Variants in GREB1L observed in about 807,000 individuals in gnomAD.
GREB1L encodes the protein GREB1 like retinoic acid receptor coactivator, also known as GREB1-like protein.
GREB1L carries 17 observed loss-of-function variants against 200.8 expected under a neutral mutation model. That is an observed-to-expected ratio of 0.08 (90% CI 0.06 to 0.13). The LOEUF is 0.13. GREB1L is among the 10% of genes least tolerant of loss of function. The pLI is 1.00. For synonymous variants in GREB1L, 789 were observed against 893.0 expected, an observed-to-expected ratio of 0.88 and a Z score of 2.08; for missense variants, 1,657 against 2,367.7, an observed-to-expected ratio of 0.70 and a Z score of 6.23.
At position 21,500,274 on chromosome 18, in the gene GREB1L, C is replaced by A. The variant is rs908503710; in HGVS notation, c.3937C>A (p.Pro1313Thr). 5 of 1,415,138 alleles carry A rather than the reference C, an allele frequency of 3.5e-6. No individual in the cohort carries two copies. Among genetic ancestry groups the A allele is most frequent in the Non-Finnish European group, 4.8e-6 (5 of 1,035,038 alleles). 87.7% of individuals were successfully genotyped at this position (1,415,138 alleles called of 1,614,324 possible). ...GGCCTCTGGCACCCGAAACTTCCAC[C>A]CCCGACGGCTCCTGCTGACAGGGCC... ...DPASGTRNFHPRRLLLTGPPQ... is the reference protein window; with the variant it reads ...DPASGTRNFHTRRLLLTGPPQ... Residue 1313 changes from proline to threonine, a missense_variant, in exon 22 of 33, where the codon CCC (proline) becomes ACC (threonine). Pro to Thr is a conservative substitution (Grantham distance 38). Around this residue, in one of 9 missense-constraint regions of GREB1L, gnomAD observed 512 missense variants for 668.3 expected, o/e 0.77. Transcript: ENST00000424526.
chr18:21,286,661 T>C (rs1414810439), intron 1 of GREB1L, among the ~76,000 whole-genome samples: 1 of 152,154 alleles, frequency 6.6e-6, no homozygotes, highest in Admixed American at 6.5e-5. Flanking sequence ...AACAATCCCA[T>C]GTGGTATTAT....
chr18:21,438,372 C>T (rs2033677058), intron 7 of GREB1L, among the ~76,000 whole-genome samples: 1 of 152,004 alleles, frequency 6.6e-6, no homozygotes, highest in South Asian at 2.1e-4. Context: ...CTTTTAGAAA[C>T]TCATACATAA....
At chr18:21,354,900 A>G (rs2039482281) in intron 1 of GREB1L, among the ~76,000 whole-genome samples, 1 of 152,214 alleles carries the variant, frequency 6.6e-6, no homozygotes, top group South Asian at 2.1e-4. Flanking sequence ...TCCTGAGAGA[A>G]ATGTAAAATC....
chr18:21,443,583 C>T (rs1210693329), intron 10 of GREB1L, among the ~76,000 whole-genome samples: 1 of 152,226 alleles, frequency 6.6e-6, no homozygotes, highest in Admixed American at 6.5e-5. Context: ...AATATTTTAT[C>T]ATTGCAGTTT....
intron 1 of GREB1L, among the ~76,000 whole-genome samples, chr18:21,252,321 G>C (rs2037720690): frequency 6.6e-6 from 1 of 152,138 alleles, no homozygotes; most frequent in South Asian, 2.1e-4. Flanking sequence ...ACTTTGGGAG[G>C]CTGAGGTGGA....
At chr18:21,361,505 T>A (rs1287028297) in intron 1 of GREB1L, among the ~76,000 whole-genome samples, 1 of 152,142 alleles carries the variant, frequency 6.6e-6, no homozygotes, top group Admixed American at 6.5e-5. Context: ...TTCCTAGACA[T>A]TACAGCTCTG....
At chr18:21,329,310 G>GC (rs1207291530) in intron 1 of GREB1L, among the ~76,000 whole-genome samples, 4 of 136,560 alleles carry the variant, frequency 2.9e-5, no homozygotes, top group African/African-American at 1.2e-4. Context: ...GGGCGACAGA[G>GC]TGAGACTCTG....
intron 1 of GREB1L, among the ~76,000 whole-genome samples, chr18:21,304,460 A>G (rs1194348004): frequency 6.6e-6 from 1 of 152,112 alleles, no homozygotes; most frequent in African/African-American, 2.4e-5. Context: ...ACATTTAAAG[A>G]CACAGTCCCC....
In GREB1L at chr18:21,422,940, T is replaced by G. The variant is rs190871042; in HGVS notation, c.833-16581T>G. On this transcript the variant is annotated intron_variant, in intron 7 of 32. Coordinates refer to ENST00000424526, the MANE Select transcript of GREB1L (RefSeq NM_001142966.3). ...TGATGGGTGAAAAATAAAATCTGTG[T>G]TTTTTCTTTAGACGGAGTCTTGCTC... Among the ~76,000 whole-genome samples the G allele has an allele frequency of 8.8e-5, 13 of 148,540 alleles. No individual in the cohort carries two copies. The Middle Eastern group carries it at 0.014, about 157-fold the overall frequency.
chr18:21,453,804 T>C (rs1404110279), intron 14 of GREB1L, among the ~76,000 whole-genome samples: 1 of 152,048 alleles, frequency 6.6e-6, no homozygotes, highest in African/African-American at 2.4e-5. Flanking sequence ...AGGTCGTGTC[T>C]CCATGACCCA....
At chr18:21,436,156 A>G (rs1386573186) in intron 7 of GREB1L, among the ~76,000 whole-genome samples, 4 of 152,148 alleles carry the variant, frequency 2.6e-5, no homozygotes, top group Admixed American at 6.6e-5. Context: ...TGAGAGTTCA[A>G]TTTTAGAAAT....
chr18:21,450,246 A>G (rs1159537166), intron 12 of GREB1L, among the ~76,000 whole-genome samples: 1 of 151,840 alleles, frequency 6.6e-6, no homozygotes, highest in Non-Finnish European at 1.5e-5. Context: ...TCTATTTAAT[A>G]TTGTAACATA....
intron 15 of GREB1L, among the ~76,000 whole-genome samples, chr18:21,470,615 TTG>T (rs1294481304): frequency 6.6e-6 from 1 of 152,196 alleles, no homozygotes; most frequent in East Asian, 1.9e-4. Context: ...ATAGATTATT[TTG>T]TGTTTTCTAC....
intron 15 of GREB1L, among the ~76,000 whole-genome samples, chr18:21,459,353 T>G (rs1441008770): frequency 7.1e-6 from 1 of 141,536 alleles, no homozygotes; most frequent in Non-Finnish European, 1.5e-5. Context: ...TGGCACAATC[T>G]CGGCTCACTG....
At chr18:21,376,831 AAAG>A (rs2040096971) in intron 2 of GREB1L, among the ~76,000 whole-genome samples, 2 of 151,720 alleles carry the variant, frequency 1.3e-5, no homozygotes, top group Admixed American at 6.6e-5. Context: ...AAAAAAAAAA[AAAG>A]AAAGCCAACT....
chr18:21,284,270 A>T (rs967870978), intron 1 of GREB1L, among the ~76,000 whole-genome samples: 3 of 152,210 alleles, frequency 2.0e-5, no homozygotes, highest in Non-Finnish European at 4.4e-5. Context: ...CATGATCACG[A>T]TTAATTTTAG....
At chr18:21,353,051 G>A (rs1304214884) in intron 1 of GREB1L, among the ~76,000 whole-genome samples, 4 of 151,904 alleles carry the variant, frequency 2.6e-5, no homozygotes, top group East Asian at 3.9e-4. Flanking sequence ...GCATGGTGGC[G>A]GGCGCCTGTA....
chr18:21,489,944 C>A, intron 18 of GREB1L, 68 bp from the exon 19 acceptor site: 1 of 1,151,112 alleles, frequency 8.7e-7, no homozygotes, highest in Non-Finnish European at 1.2e-6. Flanking sequence ...TGCATTCTTA[C>A]TGCACAGGCC....
At position 21,247,384 on chromosome 18, in the gene GREB1L, G is replaced by A. The variant is rs73422019; in HGVS notation, c.-120+4991G>A. Among the ~76,000 whole-genome samples, 1,135 of 152,266 alleles carry A rather than the reference G, an allele frequency of 7.5e-3. 19 individuals are homozygous for A. Among genetic ancestry groups the A allele is most frequent in the African/African-American group, 0.026 (1,093 of 41,554 alleles). On this transcript the variant is annotated intron_variant, in intron 1 of 32. Transcript: ENST00000424526. ...TAGGGACTGTAGCCATGTTAGCATAGATTAACACATAATCACTTGATAAAT... is the reference window on the plus strand; with the variant it reads ...TAGGGACTGTAGCCATGTTAGCATAAATTAACACATAATCACTTGATAAAT...
Sources: gnomAD v4.1 joint callset for allele counts (sites outside exome capture counted in the v4.1 genomes callset) on GRCh38, gnomAD v4.1.1 for gene constraint, gnomAD v4.1.1 regional missense constraint, MANE v1.5 for transcripts, NCBI Gene and HGNC (gene_info 2026-07-23, HGNC 2026-07-21) for gene names.